ABR: variants seen among roughly 807,000 people sequenced by gnomAD.
The protein encoded by ABR is active breakpoint cluster region-related protein.
Under a neutral mutation model 107.2 loss-of-function variants are expected in ABR, and 35 were observed. That is an observed-to-expected ratio of 0.33 (90% confidence interval 0.25 to 0.43). ABR has a LOEUF of 0.43. ABR is among the 20% of genes least tolerant of loss of function. The pLI, the probability that ABR is intolerant of heterozygous loss-of-function variation, is 1.00. For synonymous variants in ABR, 498 were observed against 462.0 expected (o/e 1.08, Z -1.00); for missense variants, 815 against 1,115.2 (o/e 0.73, Z 3.83).
At chr17:1,103,216 C>T (rs2151357499) in intron 2 of ABR, among the ~76,000 whole-genome samples, 1 of 152,274 alleles carries the variant, frequency 6.6e-6, no homozygotes, top group African/African-American at 2.4e-5. Flanking sequence ...GTCTCAAAAC[C>T]TGGCAGGTGT....
chr17:1,035,803 G>C (rs999326809), intron 16 of ABR, among the ~76,000 whole-genome samples: 7 of 149,672 alleles, frequency 4.7e-5, no homozygotes, highest in African/African-American at 1.7e-4. Flanking sequence ...TCTCTGCAAG[G>C]GGAGTGAGAG....
At position 1,200,918 on chromosome 17, in the gene ABR, T is replaced by C. The variant is rs2042659444; in HGVS notation, c.838+27875A>G. On this transcript the variant is annotated intron_variant, in intron 1 of 22. Coordinates refer to the ABR transcript ENST00000574139. The surrounding 1 kb of genome is among the most constrained non-coding windows in gnomAD (Gnocchi z 4.1). ...CTGGGCAGGGCTACAGCTTAGAGAC[T>C]GGGAGAAAGCCTTGGGGTTGGCCAG... Among the ~76,000 whole-genome samples, 1 of 152,152 alleles carries C rather than the reference T, an allele frequency of 6.6e-6. No individual in the cohort carries two copies. Among genetic ancestry groups the C allele is most frequent in the Non-Finnish European group, 1.5e-5 (1 of 68,034 alleles).
chr17:1,152,627 C>A (rs919008297), intron 1 of ABR, among the ~76,000 whole-genome samples: 1 of 151,830 alleles, frequency 6.6e-6, no homozygotes, highest in East Asian at 1.9e-4. Context: ...TCTACTACAA[C>A]TCCCGGCACA....
intron 1 of ABR, among the ~76,000 whole-genome samples, chr17:1,129,784 T>C (rs1808933): frequency 0.39 from 59,209 of 151,838 alleles, 11,703 homozygotes; most frequent in South Asian, 0.45. Context: ...CCCTCTCTAC[T>C]AAAAATACAA....
At chr17:1,202,372 G>A (rs2042687064) in intron 1 of ABR, among the ~76,000 whole-genome samples, 2 of 152,150 alleles carry the variant, frequency 1.3e-5, no homozygotes, top group Non-Finnish European at 1.5e-5. Flanking sequence ...GAGCCCCAGA[G>A]CGCACATTCA....
chr17:1,012,021 C>T (rs569080851), intron 18 of ABR, 36 bp from the exon 19 acceptor site: 1 of 1,608,790 alleles, frequency 6.2e-7, no homozygotes, highest in South Asian at 1.1e-5. Flanking sequence ...GAGGGCAGCC[C>T]CCACGACAGC....
chr17:1,173,052 C>T (rs2041782723), intron 1 of ABR, among the ~76,000 whole-genome samples: 1 of 122,870 alleles, frequency 8.1e-6, no homozygotes, highest in Admixed American at 8.2e-5. Flanking sequence ...AACACATCAC[C>T]TCAGTCCACC....
At position 1,011,966 on chromosome 17, in the gene ABR, G is replaced by A; in HGVS notation, c.1981C>T (p.Pro661Ser). 1 of 1,613,464 alleles carries A rather than the reference G, an allele frequency of 6.2e-7. No individual in the cohort carries two copies. Among genetic ancestry groups the A allele is most frequent in the Non-Finnish European group, 8.5e-7 (1 of 1,179,514 alleles). Residue 661 changes from proline to serine, a missense_variant, in exon 19 of 23, where the codon CCC (proline) becomes TCC (serine). Pro to Ser is a moderately conservative substitution (Grantham distance 74). This residue lies in a region of ABR where 175 missense variants were observed against 284.3 expected (regional missense o/e 0.62). Coordinates refer to ENST00000302538, the MANE Select transcript of ABR (RefSeq NM_021962.5). The surrounding 1 kb of genome is among the most constrained non-coding windows in gnomAD (Gnocchi z 4.8). The part of the protein sequence containing the change: ...VVTKRERSKV[P>S]YIVRQCVEEV... ...TCCACACACTGCCGGACGATGTAGG[G>A]CACCTTGGAGCGCTCCCGCCTGGGG...
Position 1,125,212 on chromosome 17 carries a change from G to C in ABR, c.217C>G (p.Pro73Ala), listed in dbSNP as rs761278027. The change falls in exon 2 of 23, where the codon CCG becomes GCG. Residue 73 changes from proline (P) to alanine (A), a missense_variant. Around this residue, in one of 5 missense-constraint regions of ABR, gnomAD observed 129 missense variants for 124.8 expected, o/e 1.03. Coordinates refer to ENST00000302538, the MANE Select transcript of ABR (RefSeq NM_021962.5). The part of the protein sequence containing the change: ...RSQGGGDGVS[P>A]TPPEGLAPGV... ...GGAGCCAGTCCCTCAGGTGGAGTCG[G>C]GGAGACGCCATCCCCCCCGCCCTGG... 1 of 1,603,964 alleles carries C rather than the reference G, an allele frequency of 6.2e-7. No homozygotes were observed. The highest frequency in any genetic ancestry group is 8.5e-7 in the Non-Finnish European group (1 of 1,173,902).
At chr17:1,209,965 A>G (rs2042870710) in intron 1 of ABR, among the ~76,000 whole-genome samples, 1 of 152,248 alleles carries the variant, frequency 6.6e-6, no homozygotes, top group African/African-American at 2.4e-5. Context: ...TAACTCCACG[A>G]TGATCTTTGC....
At chr17:1,088,131 A>T (rs1400822519) in intron 4 of ABR, among the ~76,000 whole-genome samples, 1 of 152,154 alleles carries the variant, frequency 6.6e-6, no homozygotes, top group African/African-American at 2.4e-5. Flanking sequence ...GGCCTCAGGC[A>T]TCGGTTCACG....
At chr17:1,139,144 C>T (rs1474227557) in intron 1 of ABR, among the ~76,000 whole-genome samples, 1 of 152,114 alleles carries the variant, frequency 6.6e-6, no homozygotes, top group Non-Finnish European at 1.5e-5. Flanking sequence ...CTCTAAAAGG[C>T]GGGTGTGTGG....
intron 16 of ABR, among the ~76,000 whole-genome samples, chr17:1,040,245 C>A (rs2030135591): frequency 6.6e-6 from 1 of 152,134 alleles, no homozygotes; most frequent in African/African-American, 2.4e-5. Context: ...GACAAGACAC[C>A]CCTTGGGGGT....
At chr17:1,219,309 G>T (rs1037641551) in intron 1 of ABR, among the ~76,000 whole-genome samples, 2 of 152,000 alleles carry the variant, frequency 1.3e-5, no homozygotes, top group Non-Finnish European at 2.9e-5. Context: ...CTCCCAAAGT[G>T]CTGGGATTAC....
intron 2 of ABR, among the ~76,000 whole-genome samples, chr17:1,106,528 T>C (rs1026169170): frequency 6.5e-5 from 1 of 15,290 alleles, no homozygotes; most frequent in African/African-American, 4.4e-4. Flanking sequence ...TCTCACAGTC[T>C]TTTTTTTTTT....
At position 1,151,921 on chromosome 17, in the gene ABR, G is replaced by A. The variant is rs1003165716; in HGVS notation, c.62-26554C>T. Among the ~76,000 whole-genome samples the A allele has an allele frequency of 2.2e-3, 319 of 148,276 alleles. 2 individuals carry two copies. The East Asian group carries it at 0.057, about 27-fold the overall frequency. The stretch of plus-strand genomic sequence containing the variant: ...TGTAGTCCCAGCACTTTGAGAGGCC[G>A]AAGCAGGTGGATCACGAGGTCAGGA... On this transcript the variant is annotated intron_variant, in intron 1 of 22. Coordinates refer to ENST00000302538, the MANE Select transcript of ABR (RefSeq NM_021962.5).
intron 10 of ABR, among the ~76,000 whole-genome samples, chr17:1,060,648 C>A (rs1001460904): frequency 1.3e-5 from 2 of 152,012 alleles, no homozygotes; most frequent in East Asian, 3.9e-4. Context: ...TTAAAACCAG[C>A]CAGTATTATA....
At chr17:1,021,549 T>G (rs919706745) in intron 16 of ABR, among the ~76,000 whole-genome samples, 1 of 152,218 alleles carries the variant, frequency 6.6e-6, no homozygotes, top group African/African-American at 2.4e-5. Context: ...CTCACGCCTG[T>G]CATCCCAGCA....
intron 1 of ABR, among the ~76,000 whole-genome samples, chr17:1,143,679 C>T (rs986833571): frequency 6.6e-6 from 1 of 152,132 alleles, no homozygotes; most frequent in Non-Finnish European, 1.5e-5. Context: ...AATCATCCAC[C>T]TCCAAGATCC....
Sources: gnomAD v4.1 joint callset for allele counts (sites outside exome capture counted in the v4.1 genomes callset) on GRCh38, gnomAD v4.1.1 for gene constraint, gnomAD v4.1.1 regional missense constraint, Gnocchi (gnomAD v3.1) non-coding constraint, MANE v1.5 for transcripts, NCBI Gene and HGNC (gene_info 2026-07-23, HGNC 2026-07-21) for gene names.